Variants in GABRA3 observed in about 807,000 individuals in gnomAD.
GABRA3 encodes gamma-aminobutyric acid type A receptor subunit alpha3.
Under a neutral mutation model 30.1 loss-of-function variants are expected in GABRA3, and 10 were observed. That is an observed-to-expected ratio of 0.33 (90% CI 0.20 to 0.56). The LOEUF (loss-of-function observed/expected upper bound fraction) is 0.56. Among genes scored for constraint, GABRA3 ranks in the 20% least tolerant of loss-of-function variants. The pLI, the probability that GABRA3 is intolerant of heterozygous loss-of-function variation, is 0.89. For synonymous variants in GABRA3, 151 were observed against 146.8 expected (o/e 1.03, Z -0.21); for missense variants, 233 against 392.0 (o/e 0.59, Z 3.42).
At chrX:152,189,977 G>T (rs201302576) in intron 8 of GABRA3, 36 bp from the exon 9 acceptor site, 1 of 1,002,262 alleles carries the variant, frequency 1.0e-6, no homozygotes, top group Non-Finnish European at 1.4e-6. Context: ...GTTGCAACTG[G>T]AAGACATTGA....
chrX:152,299,258 T>C (rs1204231241), intron 3 of GABRA3, among the ~76,000 whole-genome samples: 5 of 111,945 alleles, frequency 4.5e-5, no homozygotes, highest in Non-Finnish European at 7.5e-5. Flanking sequence ...AAGACTAAAA[T>C]TGCTCTGTAT....
chrX:152,241,473 G>A (rs979202606), intron 5 of GABRA3, among the ~76,000 whole-genome samples: 1 of 106,727 alleles, frequency 9.4e-6, no homozygotes, highest in African/African-American at 3.3e-5. Flanking sequence ...TCTGTGCCCT[G>A]CCCCCAGAGG....
intron 1 of GABRA3, among the ~76,000 whole-genome samples, chrX:152,446,505 T>C (rs1749643912): frequency 9.1e-6 from 1 of 109,731 alleles, no homozygotes; most frequent in Non-Finnish European, 1.9e-5. Flanking sequence ...ATCCCTGACT[T>C]TTTCTCCTTT....
intron 1 of GABRA3, among the ~76,000 whole-genome samples, chrX:152,407,153 C>T (rs1361330264): frequency 9.0e-6 from 1 of 110,829 alleles, no homozygotes; most frequent in Non-Finnish European, 1.9e-5. Flanking sequence ...AATAAATAAC[C>T]TAAGGCTTCA....
chrX:152,368,994 C>G (rs1032128710), intron 1 of GABRA3, among the ~76,000 whole-genome samples: 1 of 111,508 alleles, frequency 9.0e-6, no homozygotes, highest in African/African-American at 3.3e-5. Context: ...CGTAAGCCAC[C>G]GCGCTAGGCC....
intron 1 of GABRA3, among the ~76,000 whole-genome samples, chrX:152,427,188 C>T (rs1000261505): frequency 4.5e-5 from 5 of 111,495 alleles, no homozygotes; most frequent in African/African-American, 1.6e-4. Context: ...CCATTGCCTG[C>T]TGCCAGAATC....
At chrX:152,230,217 A>G (rs1938041193) in intron 5 of GABRA3, among the ~76,000 whole-genome samples, 1 of 111,797 alleles carries the variant, frequency 8.9e-6, no homozygotes, top group African/African-American at 3.2e-5. Flanking sequence ...GTACACTTCA[A>G]GAGGATAAAT....
intron 9 of GABRA3, chrX:152,171,343 A>T: frequency 6.2e-6 from 3 of 481,901 alleles, no homozygotes; most frequent in South Asian, 2.2e-4. Flanking sequence ...AGATTTTTTA[A>T]GTAGTAAGGG....
chrX:152,189,231 A>G (rs1321409721), intron 9 of GABRA3, among the ~76,000 whole-genome samples: 2 of 112,366 alleles, frequency 1.8e-5, no homozygotes, highest in African/African-American at 6.5e-5. Context: ...CTCTATGGAG[A>G]AAGTAGCATT....
intron 3 of GABRA3, among the ~76,000 whole-genome samples, chrX:152,317,916 A>G (rs1939902922): frequency 9.0e-6 from 1 of 111,402 alleles, no homozygotes; most frequent in Admixed American, 9.6e-5. Flanking sequence ...GGATCCAGAG[A>G]AATAACGGAC....
intron 9 of GABRA3, among the ~76,000 whole-genome samples, chrX:152,183,826 A>G (rs1344579361): frequency 9.0e-6 from 1 of 111,293 alleles, no homozygotes; most frequent in East Asian, 2.8e-4. Context: ...GTTCAGGAGA[A>G]TGTTGTTTAA....
chrX:152,332,800 C>G (rs1940183188), intron 3 of GABRA3, among the ~76,000 whole-genome samples: 1 of 112,071 alleles, frequency 8.9e-6, no homozygotes, highest in Non-Finnish European at 1.9e-5. Flanking sequence ...TGAGCAGGAC[C>G]CAGGCCCTAG....
At chrX:152,339,230 ATT>A (rs1248702708) in intron 3 of GABRA3, among the ~76,000 whole-genome samples, 1 of 102,449 alleles carries the variant, frequency 9.8e-6, no homozygotes, top group East Asian at 3.1e-4. Flanking sequence ...TTATGTTGTA[ATT>A]TTTTTTTTTT....
intron 3 of GABRA3, 101 bp downstream of exon 3, chrX:152,345,480 A>T: frequency 1.1e-6 from 1 of 908,268 alleles, no homozygotes; most frequent in Non-Finnish European, 1.5e-6. Flanking sequence ...CACTAATCTC[A>T]TTGGCCAATA....
chrX:152,225,255 T>G (rs182480595), intron 5 of GABRA3, among the ~76,000 whole-genome samples: 235 of 110,732 alleles, frequency 2.1e-3, no homozygotes, highest in African/African-American at 7.2e-3. Flanking sequence ...AAGATTGCAC[T>G]GAAGAGAAGA....
chrX:152,229,404 C>T (rs1296015831), intron 5 of GABRA3, among the ~76,000 whole-genome samples: 1 of 111,013 alleles, frequency 9.0e-6, no homozygotes, highest in Non-Finnish European at 1.9e-5. Flanking sequence ...CCCCCACATA[C>T]ATATTTCAGT....
chrX:152,256,122 C>T (rs1463083475), intron 4 of GABRA3, 124 bp from the exon 5 acceptor site: 3 of 495,774 alleles, frequency 6.1e-6, no homozygotes, highest in African/African-American at 4.7e-5. Flanking sequence ...AGTCTATTAA[C>T]AGTAGCTCCT....
At chrX:152,424,588 T>C (rs1346370777) in intron 1 of GABRA3, among the ~76,000 whole-genome samples, 1 of 111,071 alleles carries the variant, frequency 9.0e-6, no homozygotes, top group Non-Finnish European at 1.9e-5. Flanking sequence ...ATAATGAAAA[T>C]TATTAGCATA....
chrX:152,283,956 T>C (rs1237536571), intron 4 of GABRA3, among the ~76,000 whole-genome samples: 2 of 111,853 alleles, frequency 1.8e-5, no homozygotes, highest in African/African-American at 6.5e-5. Flanking sequence ...CTCTAAATCA[T>C]AATTATTCAA....
Sources: gnomAD v4.1 joint callset for allele counts (sites outside exome capture counted in the v4.1 genomes callset) on GRCh38, gnomAD v4.1.1 for gene constraint, MANE v1.5 for transcripts, NCBI Gene and HGNC (gene_info 2026-07-23, HGNC 2026-07-21) for gene names.